FUT6: variants seen among roughly 807,000 people sequenced by gnomAD.
The protein encoded by FUT6 is 4-galactosyl-N-acetylglucosaminide 3-alpha-L-fucosyltransferase FUT6.
For synonymous variants in FUT6, 187 were observed against 209.9 expected, an observed-to-expected ratio of 0.89 and a Z score of 0.94; for missense variants, 454 against 494.6, an observed-to-expected ratio of 0.92 and a Z score of 0.78.
Position 5,831,811 on chromosome 19 carries a change from C to T in FUT6, c.757G>A (p.Asp253Asn), listed in dbSNP as rs761897122. 13 of 1,613,834 alleles carry T rather than the reference C, an allele frequency of 8.1e-6. 1 individual carries two copies. Among genetic ancestry groups the T allele is most frequent in the East Asian group, 6.7e-5 (3 of 44,872 alleles). Residue 253 changes from aspartate to asparagine, a missense_variant, in exon 3 of 3, where the codon GAC becomes AAC. By Grantham distance (23) the Asp-to-Asn change is conservative. Transcript: ENST00000318336. The surrounding 1 kb of genome is among the most constrained non-coding windows in gnomAD (Gnocchi z 7.0). ...CTCCACAGCTTCTCGGTGATGTAGTCGGGGTGCAAGGAGTTCTCGAAGGCC... is the reference window on the plus strand; with the variant it reads ...CTCCACAGCTTCTCGGTGATGTAGTTGGGGTGCAAGGAGTTCTCGAAGGCC... ...YLAFENSLHP[D>N]YITEKLWRNA...
chr19:5,831,711 G>C lies in FUT6; in HGVS notation c.857C>G (p.Pro286Arg). The change falls in exon 3 of 3, where the codon CCC becomes CGC. Residue 286 changes from proline (P) to arginine (R), a missense_variant. Coordinates refer to ENST00000318336, the MANE Select transcript of FUT6 (RefSeq NM_000150.4). The surrounding 1 kb of genome is among the most constrained non-coding windows in gnomAD (Gnocchi z 7.0). Reference protein sequence around the residue: ...SRSNYERFLPPDAFIHVDDFQ... With the variant: ...SRSNYERFLPRDAFIHVDDFQ... ...GTCGTCCACGTGGATGAAGGCGTCG[G>C]GTGGCAGGAACCTCTCGTAGTTGCT... is the stretch of plus-strand genomic sequence containing the variant. 6.2e-7 allele frequency: 1 copy of C among 1,611,558 alleles called. No individual in the cohort carries two copies. Among genetic ancestry groups the C allele is most frequent in the Non-Finnish European group, 8.5e-7 (1 of 1,178,996 alleles).
chr19:5,832,208 G>C lies in FUT6; in HGVS notation c.360C>G (p.Leu120=), dbSNP rs115405004. ...GCCCCTGCCGCCTCGGGGAGCGTGG[G>C]AGCTGGGCACTGGGGTTGTACATGA... ...REVMYNPSAQ[L]PRSPRRQGQR... Residue 120 remains leucine (L), a synonymous_variant, in exon 3 of 3, where the codon CTC becomes CTG. Coordinates refer to ENST00000318336, the MANE Select transcript of FUT6 (RefSeq NM_000150.4). This position sits in a 1 kb window ranked among gnomAD's most constrained non-coding sequence, Gnocchi z 4.3. 6.2e-7 allele frequency: 1 copy of C among 1,613,994 alleles called. No homozygotes were observed. The highest frequency in any genetic ancestry group is 1.3e-5 in the African/African-American group (1 of 75,058).
rs2057126080 is a variant in FUT6 at position 5,832,854 on chromosome 19, G to A, written c.-12-275C>T. On this transcript the variant is annotated intron_variant, in intron 2 of 2. Coordinates refer to ENST00000318336, the MANE Select transcript of FUT6 (RefSeq NM_000150.4). This position sits in a 1 kb window ranked among gnomAD's most constrained non-coding sequence, Gnocchi z 4.3. ...TGGGAGAGGCCCCAAGGGCCCTCAG[G>A]TCCCACCTTGATCCTGTCCTTTTCT... The A allele has an allele frequency of 2.0e-6, 1 of 491,068 alleles. No homozygotes were observed. The highest frequency in any genetic ancestry group is 3.4e-5 in the Admixed American group (1 of 29,728). 30.4% of individuals were successfully genotyped at this position (491,068 alleles called of 1,614,324 possible).
rs201278961 is a variant in FUT6 at position 5,831,514 on chromosome 19, G to A, written c.1054C>T (p.Arg352Cys). 3.6e-4 allele frequency: 580 copies of A among 1,614,112 alleles called. 1 individual carries two copies. Among genetic ancestry groups the A allele is most frequent in the Non-Finnish European group, 4.3e-4 (506 of 1,180,048 alleles). ...KLQEESRYQT[R>C]GIAAWFT ...CAGGTGAACCAAGCCGCTATGCCGC[G>A]TGTCTGGTACCTGGATTCCTCCTGC... Residue 352 changes from arginine (R) to cysteine (C), a missense_variant, in exon 3 of 3, where the codon CGC becomes TGC. Coordinates refer to ENST00000318336, the MANE Select transcript of FUT6 (RefSeq NM_000150.4). The surrounding 1 kb of genome is among the most constrained non-coding windows in gnomAD (Gnocchi z 7.0).
chr19:5,832,797 C>G lies in FUT6; in HGVS notation c.-12-218G>C. 3 of 579,226 alleles carry G rather than the reference C, an allele frequency of 5.2e-6. No homozygotes were observed. Among genetic ancestry groups the G allele is most frequent in the Non-Finnish European group, 9.2e-6 (3 of 325,706 alleles). 35.9% of individuals were successfully genotyped at this position (579,226 alleles called of 1,614,324 possible). On this transcript the variant is annotated intron_variant, in intron 2 of 2. Transcript: ENST00000318336. This position sits in a 1 kb window ranked among gnomAD's most constrained non-coding sequence, Gnocchi z 4.3. ...CCTCCCACCCATTAGACAACAGGCCCTTTCTACATGGGCAAGGGTCCCTGG... is the reference window on the plus strand; with the variant it reads ...CCTCCCACCCATTAGACAACAGGCCGTTTCTACATGGGCAAGGGTCCCTGG...
rs771181474 is a variant in FUT6 at position 5,832,010 on chromosome 19, C to G, written c.558G>C (p.Ser186=). 30 of 1,613,720 alleles carry G rather than the reference C, an allele frequency of 1.9e-5. No individual in the cohort carries two copies. Among genetic ancestry groups the G allele is most frequent in the South Asian group, 4.4e-5 (4 of 91,072 alleles). The change falls in exon 3 of 3, where the codon TCG becomes TCC. Residue 186 remains serine (S), a synonymous_variant. Coordinates refer to ENST00000318336, the MANE Select transcript of FUT6 (RefSeq NM_000150.4). This position sits in a 1 kb window ranked among gnomAD's most constrained non-coding sequence, Gnocchi z 4.3. ...GQPAHPPLNL[S]AKTELVAWAV... is the part of the protein sequence containing the mutation. ...CCCAGGCCACCAGCTCGGTCTTGGCCGAGAGGTTGAGCGGTGGGTGGGCAG... is the reference window on the plus strand; with the variant it reads ...CCCAGGCCACCAGCTCGGTCTTGGCGGAGAGGTTGAGCGGTGGGTGGGCAG...
At position 5,832,768 on chromosome 19, in the gene FUT6, A is replaced by G; in HGVS notation, c.-12-189T>C. On this transcript the variant is annotated intron_variant, in intron 2 of 2. Transcript: ENST00000318336. This position sits in a 1 kb window ranked among gnomAD's most constrained non-coding sequence, Gnocchi z 4.3. Reference sequence around the variant, plus strand: ...ACAAAGGGAGCTTGGCCCAGAGTCCACTTCCTCCCACCCATTAGACAACAG... The same window carrying G: ...ACAAAGGGAGCTTGGCCCAGAGTCCGCTTCCTCCCACCCATTAGACAACAG... 5 of 605,778 alleles carry G rather than the reference A, an allele frequency of 8.3e-6. No homozygotes were observed. Among genetic ancestry groups the G allele is most frequent in the Non-Finnish European group, 1.2e-5 (4 of 341,590 alleles). 37.5% of individuals were successfully genotyped at this position (605,778 alleles called of 1,614,324 possible). A position where few individuals can be genotyped will look rare whatever the true frequency, so the allele number is the denominator to read the frequency against.
chr19:5,831,398 G>C lies in FUT6; in HGVS notation c.*90C>G. 6.2e-7 allele frequency: 1 copy of C among 1,612,630 alleles called. No homozygotes were observed. Among genetic ancestry groups the C allele is most frequent in the South Asian group, 1.1e-5 (1 of 91,086 alleles). On this transcript the variant is annotated 3_prime_UTR_variant, in exon 3 of 3. Transcript: ENST00000318336. The surrounding 1 kb of genome is among the most constrained non-coding windows in gnomAD (Gnocchi z 7.0). ...AGTCCTCAGGCAGGTGAAGCTTCAG[G>C]CAAACGAGTCCTTAGGTAGATGAGG...
rs145035679 is a variant in FUT6, at chr19:5,831,623, G to T, written c.945C>A (p.Tyr315Ter). 15,835 of 1,613,814 alleles carry T rather than the reference G, an allele frequency of 9.8e-3. 375 individuals are homozygous for T. Among genetic ancestry groups the T allele is most frequent in the South Asian group, 0.056 (5,098 of 91,058 alleles). Residue 315 changes from tyrosine (Y) to a stop codon, truncating the protein, a stop_gained, in exon 3 of 3, where the codon TAC becomes TAA. Coordinates refer to ENST00000318336, the MANE Select transcript of FUT6 (RefSeq NM_000150.4). LOFTEE classifies it low-confidence loss of function (END_TRUNC). This position sits in a 1 kb window ranked among gnomAD's most constrained non-coding sequence, Gnocchi z 7.0. ...LQELDKDHAR[Y>*]LSYFRWRETL... is the part of the protein sequence containing the mutation. ...TCTCCCGCCAGCGAAAGTAGCTCAG[G>T]TAGCGGGCGTGGTCCTTGTCCAGCT...
rs1318311807 is a variant in FUT6, at chr19:5,839,089, G to A, written c.-553C>T. 6.6e-6 allele frequency: 1 copy of A among 152,200 alleles called. No individual in the cohort carries two copies. Among genetic ancestry groups the A allele is most frequent in the Non-Finnish European group, 1.5e-5 (1 of 68,036 alleles). 9.4% of individuals were successfully genotyped at this position (152,200 alleles called of 1,614,324 possible). ...GGGGTTCCTTGGGAGGTGGGAATGAGGAAGTGAGCAGAATTTCTACCTTTC... is the reference window on the plus strand; with the variant it reads ...GGGGTTCCTTGGGAGGTGGGAATGAAGAAGTGAGCAGAATTTCTACCTTTC... On this transcript the variant is annotated 5_prime_UTR_variant, in exon 1 of 3. Coordinates refer to ENST00000318336, the MANE Select transcript of FUT6 (RefSeq NM_000150.4).
rs1382361313 is a variant in FUT6, at chr19:5,832,345, T to C, written c.223A>G (p.Ile75Val). The change falls in exon 3 of 3, where the codon ATA becomes GTA. Residue 75 changes from isoleucine (I) to valine (V), a missense_variant. Physicochemically the swap from Ile to Val is conservative, Grantham distance 29. Transcript: ENST00000318336. The surrounding 1 kb of genome is among the most constrained non-coding windows in gnomAD (Gnocchi z 4.3). ...LLWTWPFNKPIALPRCSEMVP... is the reference protein window; with the variant it reads ...LLWTWPFNKPVALPRCSEMVP... ...ATCTCTGAGCAGCGGGGCAGAGCTATGGGTTTGTTAAAAGGCCACGTCCAC... is the reference window on the plus strand; with the variant it reads ...ATCTCTGAGCAGCGGGGCAGAGCTACGGGTTTGTTAAAAGGCCACGTCCAC... The C allele has an allele frequency of 5.6e-6, 9 of 1,613,678 alleles. No individual in the cohort carries two copies. Among genetic ancestry groups the C allele is most frequent in the Non-Finnish European group, 6.8e-6 (8 of 1,179,960 alleles).
chr19:5,831,571 C>G lies in FUT6; in HGVS notation c.997G>C (p.Ala333Pro). ...CAGCAGGCCTTGCAGAAAGCGAGTG[C>G]CCAGCTGAAGGAGCGAGGCCGCAGC... ...ETLRPRSFSWALAFCKACWKL... is the reference protein window; with the variant it reads ...ETLRPRSFSWPLAFCKACWKL... The change falls in exon 3 of 3, where the codon GCA becomes CCA. Residue 333 changes from alanine (A) to proline (P), a missense_variant. Physicochemically the swap from Ala to Pro is conservative, Grantham distance 27. Transcript: ENST00000318336. The surrounding 1 kb of genome is among the most constrained non-coding windows in gnomAD (Gnocchi z 7.0). 6.2e-7 allele frequency: 1 copy of G among 1,614,140 alleles called. No homozygotes were observed. The highest frequency in any genetic ancestry group is 8.5e-7 in the Non-Finnish European group (1 of 1,180,014).
At chr19:5,833,667 C>T (rs1346214795) in intron 2 of FUT6, among the ~76,000 whole-genome samples, 2 of 151,256 alleles carry the variant, frequency 1.3e-5, no homozygotes, top group Admixed American at 6.6e-5. Context: ...GTGGCGGGCA[C>T]CTGTAATCCC....
rs956931989 is a variant in FUT6 at position 5,839,061 on chromosome 19, C to T, written c.-525G>A. The T allele has an allele frequency of 2.6e-5, 4 of 152,186 alleles. No individual in the cohort carries two copies. The highest frequency in any genetic ancestry group is 4.8e-5 in the African/African-American group (2 of 41,436). The allele number at this position is 152,186 out of a possible 1,614,324, so 9.4% of individuals were successfully genotyped here. A position where few individuals can be genotyped will look rare whatever the true frequency, so the allele number is the denominator to read the frequency against. ...TCCCAAAGCGGGTTCCACAGGGACACCAGGGGTTCCTTGGGAGGTGGGAAT... is the reference window on the plus strand; with the variant it reads ...TCCCAAAGCGGGTTCCACAGGGACATCAGGGGTTCCTTGGGAGGTGGGAAT... On this transcript the variant is annotated 5_prime_UTR_variant, in exon 1 of 3. It adds an upstream start codon to the 5' untranslated region. Transcript: ENST00000318336.
Position 5,832,114 on chromosome 19 carries a change from A to G in FUT6, c.454T>C (p.Phe152Leu). The change falls in exon 3 of 3, where the codon TTC (phenylalanine) becomes CTC (leucine). Residue 152 changes from phenylalanine (F) to leucine (L), a missense_variant. Physicochemically the swap from Phe to Leu is conservative, Grantham distance 22. Transcript: ENST00000318336. This position sits in a 1 kb window ranked among gnomAD's most constrained non-coding sequence, Gnocchi z 4.3. ...CWQLKAMDGY[F>L]NLTMSYRSDS... Reference sequence around the variant, plus strand: ...CTGCGGTAGGACATGGTGAGATTGAAGTATCCGTCCATGGCTTTCAGCTGC... The same window carrying G: ...CTGCGGTAGGACATGGTGAGATTGAGGTATCCGTCCATGGCTTTCAGCTGC... The G allele has an allele frequency of 3.1e-6, 5 of 1,613,848 alleles. No individual in the cohort carries two copies. Among genetic ancestry groups the G allele is most frequent in the African/African-American group, 1.3e-5 (1 of 75,046 alleles).
chr19:5,838,216 G>A (rs1031426085), intron 1 of FUT6: 19 of 152,218 alleles, frequency 1.2e-4, no homozygotes, highest in African/African-American at 4.6e-4. Context: ...ACGCCACAAA[G>A]ATCAGGATGC....
chr19:5,832,272 TAC>T lies in FUT6; in HGVS notation c.294_295del (p.Tyr99SerfsTer298), dbSNP rs1395050170. The T allele has an allele frequency of 5.6e-6, 9 of 1,613,742 alleles. No individual in the cohort carries two copies. In the South Asian group the frequency reaches 6.6e-5, roughly 12 times the overall value. On this transcript the variant is annotated frameshift_variant, in exon 3 of 3. Transcript: ENST00000318336. LOFTEE classifies it low-confidence loss of function (END_TRUNC). The surrounding 1 kb of genome is among the most constrained non-coding windows in gnomAD (Gnocchi z 4.3). ...CACGATGACCGCGTCTGCCTGTGGA[TAC>T]ACCTTGCGGTCGGCAGTGATGTTGC...
intron 1 of FUT6, among the ~76,000 whole-genome samples, chr19:5,836,188 C>T (rs1238109634): frequency 2.5e-5 from 3 of 121,470 alleles, no homozygotes; most frequent in African/African-American, 9.1e-5. Flanking sequence ...GCCACTGTGC[C>T]CGGCCTGGCT....
rs1258262416 is a variant in FUT6 at position 5,831,362 on chromosome 19, CCAGGCAGGTGAGTCCT to C, written c.*110_*125del. The C allele has an allele frequency of 7.5e-6, 12 of 1,607,330 alleles. No homozygotes were observed. Among genetic ancestry groups the C allele is most frequent in the Admixed American group, 5.0e-5 (3 of 59,964 alleles). ...GGTGAAGCTGCAACAGGTGACCGTC[CCAGGCAGGTGAGTCCT>C]CAGGCAGGTGAAGCTTCAGGCAAAC... On this transcript the variant is annotated 3_prime_UTR_variant, in exon 3 of 3. Coordinates refer to ENST00000318336, the MANE Select transcript of FUT6 (RefSeq NM_000150.4). This position sits in a 1 kb window ranked among gnomAD's most constrained non-coding sequence, Gnocchi z 7.0.
Sources: gnomAD v4.1 joint callset for allele counts (sites outside exome capture counted in the v4.1 genomes callset) on GRCh38, gnomAD v4.1.1 for gene constraint, Gnocchi (gnomAD v3.1) non-coding constraint, MANE v1.5 for transcripts, NCBI Gene and HGNC (gene_info 2026-07-23, HGNC 2026-07-21) for gene names.